The following CLIC5 variants were observed in gnomAD, a reference collection of about 807,000 sequenced individuals.
CLIC5 encodes chloride intracellular channel protein 5.
CLIC5 carries 20 observed loss-of-function variants against 24.7 expected under a neutral mutation model. The ratio of observed to expected loss-of-function variants is 0.81; its 90% CI spans 0.57 to 1.18. The LOEUF (loss-of-function observed/expected upper bound fraction) is 1.18. CLIC5 is among the 50% of genes most tolerant of loss of function. CLIC5 has a pLI of 0.00. For missense variants in CLIC5, 341 were observed against 326.1 expected (o/e 1.05, Z -0.35); for synonymous variants, 159 against 135.6 (o/e 1.17, Z -1.20).
intron 1 of CLIC5, among the ~76,000 whole-genome samples, chr6:46,030,762 T>G (rs1486131431): frequency 6.6e-6 from 1 of 152,212 alleles, no homozygotes; most frequent in African/African-American, 2.4e-5. Context: ...TGTTTCCTCA[T>G]CCACCTAAGT....
chr6:45,919,050 C>T, intron 4 of CLIC5: 1 of 985,432 alleles, frequency 1.0e-6, no homozygotes, highest in Non-Finnish European at 1.2e-6. Flanking sequence ...CTATGGTCTT[C>T]CTTACAAGCT....
intron 1 of CLIC5, among the ~76,000 whole-genome samples, chr6:45,991,147 A>C (rs530073365): frequency 6.6e-6 from 1 of 152,332 alleles, no homozygotes; most frequent in South Asian, 2.1e-4. Context: ...GTTTCTAGCT[A>C]ACAGAACATA....
intron 1 of CLIC5, among the ~76,000 whole-genome samples, chr6:45,957,026 G>A (rs913559785): frequency 2.6e-5 from 4 of 152,054 alleles, no homozygotes; most frequent in Admixed American, 1.3e-4. Flanking sequence ...CCAGGTTCTC[G>A]GTCCTTTAAG....
At chr6:46,081,255 A>T (rs1762915030), upstream of CLIC5, among the ~76,000 whole-genome samples, 1 of 152,148 alleles carries the variant, frequency 6.6e-6, no homozygotes, top group African/African-American at 2.4e-5. Flanking sequence ...TTAATCTGGT[A>T]CTCTATCCTG....
At chr6:45,981,603 G>C (rs898340776) in intron 1 of CLIC5, among the ~76,000 whole-genome samples, 3 of 152,188 alleles carry the variant, frequency 2.0e-5, no homozygotes, top group African/African-American at 7.2e-5. Context: ...ACCTCTGTGG[G>C]GGCCAGGCCT....
chr6:46,094,224 G>A, the CLIC5 span, among the ~76,000 whole-genome samples: 123 of 152,290 alleles, frequency 8.1e-4, no homozygotes, highest in African/African-American at 2.6e-3. Context: ...GATTTGGGCA[G>A]GGACACAGAT....
At chr6:46,013,354 T>C (rs1766872717) in intron 1 of CLIC5, among the ~76,000 whole-genome samples, 1 of 152,246 alleles carries the variant, frequency 6.6e-6, no homozygotes, top group African/African-American at 2.4e-5. Context: ...TTCCCTCAAA[T>C]GACACAGTTC....
intron 3 of CLIC5, among the ~76,000 whole-genome samples, chr6:45,944,976 C>A (rs1260965135): frequency 3.3e-5 from 5 of 152,230 alleles, no homozygotes; most frequent in Admixed American, 2.6e-4. Flanking sequence ...CTTTTCTAAT[C>A]CTTGACTGTG....
chr6:45,896,757 T>C (rs1581705535), downstream of CLIC5, among the ~76,000 whole-genome samples: 1 of 152,224 alleles, frequency 6.6e-6, no homozygotes, highest in African/African-American at 2.4e-5. Context: ...CCTTGGTTTC[T>C]TCACAGAACC....
intron 2 of CLIC5, 145 bp downstream of exon 2, chr6:45,954,990 T>G: frequency 1.7e-6 from 1 of 573,996 alleles, no homozygotes; most frequent in African/African-American, 1.9e-5. Context: ...CTCTTGTAGC[T>G]AAGACTGGAT....
intron 6 of CLIC5, among the ~76,000 whole-genome samples, chr6:45,886,414 T>G (rs946205192): frequency 2.6e-5 from 4 of 152,218 alleles, no homozygotes; most frequent in Admixed American, 1.3e-4. Context: ...GTCACACCTG[T>G]GCATACCCCT....
At chr6:46,013,781 T>C (rs1050519652) in intron 1 of CLIC5, among the ~76,000 whole-genome samples, 2 of 152,194 alleles carry the variant, frequency 1.3e-5, no homozygotes, top group Non-Finnish European at 2.9e-5. Context: ...GTTTCAAATA[T>C]CTTTCAGAAA....
In CLIC5 at chr6:45,997,559, T is replaced by C. The variant is rs981892345; in HGVS notation, c.63+17921A>G. Among the ~76,000 whole-genome samples the C allele has an allele frequency of 2.0e-5, 3 of 150,226 alleles. No individual in the cohort carries two copies. In the South Asian group the frequency reaches 6.3e-4, roughly 32 times the overall value. On this transcript the variant is annotated intron_variant, in intron 1 of 5. Transcript: ENST00000339561. The stretch of plus-strand genomic sequence containing the variant: ...CAGTTCTTGGCTTCTGCCTTGAAGA[T>C]GCTGGGCCTAAGAAGCGTGTTCAAA...
intron 1 of CLIC5, among the ~76,000 whole-genome samples, chr6:46,057,063 T>C (rs1343599850): frequency 1.3e-5 from 2 of 152,242 alleles, no homozygotes; most frequent in Non-Finnish European, 2.9e-5. Context: ...TTCTTACTGC[T>C]ACTCATGTTG....
At chr6:46,001,484 T>C (rs1193315430) in intron 1 of CLIC5, among the ~76,000 whole-genome samples, 2 of 152,144 alleles carry the variant, frequency 1.3e-5, no homozygotes, top group African/African-American at 4.8e-5. Context: ...TCCCTTGGCT[T>C]GGAGCTCCCA....
At chr6:45,929,210 C>G (rs1763630830) in intron 4 of CLIC5, among the ~76,000 whole-genome samples, 1 of 152,122 alleles carries the variant, frequency 6.6e-6, no homozygotes, top group Admixed American at 6.5e-5. Context: ...GTTTCAGGAG[C>G]AAGATTTGTT....
At chr6:45,913,329 T>C (rs952628929) in intron 5 of CLIC5, among the ~76,000 whole-genome samples, 1 of 152,208 alleles carries the variant, frequency 6.6e-6, no homozygotes, top group Non-Finnish European at 1.5e-5. Context: ...GAAGTGCTCA[T>C]TGACAGAGCT....
intron 4 of CLIC5, among the ~76,000 whole-genome samples, chr6:45,927,144 G>A (rs972745118): frequency 6.7e-6 from 1 of 149,472 alleles, no homozygotes; most frequent in African/African-American, 2.4e-5. Flanking sequence ...AGGTAGAGGT[G>A]TGTTGAAGTG....
chr6:45,982,778 C>G (rs757363348), intron 1 of CLIC5, among the ~76,000 whole-genome samples: 2 of 152,182 alleles, frequency 1.3e-5, no homozygotes, highest in Non-Finnish European at 2.9e-5. Flanking sequence ...CTGTTTGTCT[C>G]AGATTGCATG....
Sources: allele counts gnomAD v4.1 joint callset (sites outside exome capture counted in the v4.1 genomes callset), GRCh38; gene constraint gnomAD v4.1.1; transcripts MANE v1.5; gene names NCBI Gene and HGNC (gene_info 2026-07-23, HGNC 2026-07-21).